NRCAM: variants seen among roughly 807,000 people sequenced by gnomAD.
The protein encoded by NRCAM is neuronal cell adhesion molecule.
Under a neutral mutation model 156.5 loss-of-function variants are expected in NRCAM, and 83 were observed. The observed-to-expected ratio is 0.53, with a 90% CI of 0.44 to 0.64. The LOEUF (loss-of-function observed/expected upper bound fraction) is 0.64. NRCAM is among the 30% of genes least tolerant of loss of function. The pLI is 0.00. For synonymous variants in NRCAM, 538 were observed against 563.9 expected (o/e 0.95, Z 0.65); for missense variants, 1,417 against 1,597.3 (o/e 0.89, Z 1.92).
rs570230705 is a variant in NRCAM, at chr7:108,250,748, A to G, written c.-106-10578T>C. ...TTAACTGTACATCTTAAAATAACTA[A>G]AAGAGTATAATTGGATTGTCTGTAA... On this transcript the variant is annotated intron_variant, in intron 3 of 32. Coordinates refer to ENST00000379028, the MANE Select transcript of NRCAM (RefSeq NM_001037132.4). Among the ~76,000 whole-genome samples, 276 of 152,288 alleles carry G rather than the reference A, an allele frequency of 1.8e-3. 1 individual carries two copies. Among genetic ancestry groups the G allele is most frequent in the African/African-American group, 6.4e-3 (265 of 41,562 alleles).
chr7:108,438,031 T>TA (rs572478339), intron 1 of NRCAM, among the ~76,000 whole-genome samples: 1,409 of 138,650 alleles, frequency 0.01, 7 homozygotes, highest in Middle Eastern at 0.024. Context: ...CTATAAGAAG[T>TA]AAAAAAAAAA....
intron 8 of NRCAM, among the ~76,000 whole-genome samples, chr7:108,228,777 C>T (rs1007679414): frequency 2.0e-5 from 3 of 152,030 alleles, no homozygotes; most frequent in Admixed American, 6.6e-5. Context: ...CAGTGGTATT[C>T]GGAGAGCATT....
Position 108,150,213 on chromosome 7 carries a change from C to G in NRCAM, c.3678-66G>C, listed in dbSNP as rs1024810182. ...AGGTAACATTTTCTGTTTTTAAAGACCATGCATGCAAATTATGAGAAAGCA... is the reference window on the plus strand; with the variant it reads ...AGGTAACATTTTCTGTTTTTAAAGAGCATGCATGCAAATTATGAGAAAGCA... On this transcript the variant is annotated intron_variant, in intron 32 of 32. Coordinates refer to ENST00000379028, the MANE Select transcript of NRCAM (RefSeq NM_001037132.4). 7 of 1,310,408 alleles carry G rather than the reference C, an allele frequency of 5.3e-6. No homozygotes were observed. The African/African-American group carries it at 1.0e-4, about 19-fold the overall frequency. The allele number at this position is 1,310,408 out of a possible 1,614,324, so 81.2% of individuals were successfully genotyped here.
chr7:108,404,460 T>G (rs535167596), intron 1 of NRCAM, among the ~76,000 whole-genome samples: 96 of 152,328 alleles, frequency 6.3e-4, no homozygotes, highest in Non-Finnish European at 1.2e-3. Context: ...AAACGTCGTT[T>G]TTCTAGCATT....
intron 3 of NRCAM, among the ~76,000 whole-genome samples, chr7:108,287,930 C>A (rs1043843064): frequency 2.6e-5 from 4 of 152,060 alleles, no homozygotes; most frequent in African/African-American, 9.7e-5. Flanking sequence ...ATATTTATCA[C>A]AGCACTATTC....
chr7:108,372,047 G>GC (rs2099631953), intron 2 of NRCAM, among the ~76,000 whole-genome samples: 1 of 152,036 alleles, frequency 6.6e-6, no homozygotes, highest in Non-Finnish European at 1.5e-5. Flanking sequence ...AGAACAGCAA[G>GC]CCCAGAAATA....
At chr7:108,385,433 C>T (rs1159908035) in intron 2 of NRCAM, among the ~76,000 whole-genome samples, 2 of 152,152 alleles carry the variant, frequency 1.3e-5, no homozygotes, top group African/African-American at 4.8e-5. Context: ...TCAAGGAAGG[C>T]TTTGTGGAAG....
At position 108,353,674 on chromosome 7, in the gene NRCAM, C is replaced by G. The variant is rs146863079; in HGVS notation, c.-173-40943G>C. On this transcript the variant is annotated intron_variant, in intron 2 of 32. Transcript: ENST00000379028. Reference sequence around the variant, plus strand: ...CTGTTCCTTGCTACTAGAATAAAGTCTTCATGAAAAGAAAGACCTCTTCTT... The same window carrying G: ...CTGTTCCTTGCTACTAGAATAAAGTGTTCATGAAAAGAAAGACCTCTTCTT... Among the ~76,000 whole-genome samples the G allele has an allele frequency of 1.9e-3, 293 of 152,310 alleles. 1 individual carries two copies. Among genetic ancestry groups the G allele is most frequent in the African/African-American group, 6.8e-3 (281 of 41,574 alleles).
intron 2 of NRCAM, among the ~76,000 whole-genome samples, chr7:108,326,364 A>G (rs991832175): frequency 3.9e-5 from 6 of 152,328 alleles, no homozygotes; most frequent in African/African-American, 1.4e-4. Flanking sequence ...GTATTCTTAC[A>G]ATCTTATTTA....
chr7:108,210,081 T>C (rs2083251550), intron 11 of NRCAM, among the ~76,000 whole-genome samples: 1 of 152,144 alleles, frequency 6.6e-6, no homozygotes, highest in African/African-American at 2.4e-5. Flanking sequence ...TCAAATGGAA[T>C]AATTTTCCTA....
At chr7:108,388,656 T>C (rs200825828) in intron 2 of NRCAM, among the ~76,000 whole-genome samples, 10 of 152,214 alleles carry the variant, frequency 6.6e-5, no homozygotes, top group Non-Finnish European at 1.5e-4. Context: ...CTGAATGGTA[T>C]TGCCTAGGTT....
intron 3 of NRCAM, among the ~76,000 whole-genome samples, chr7:108,279,433 A>G (rs1260535518): frequency 6.6e-6 from 1 of 152,184 alleles, no homozygotes; most frequent in Non-Finnish European, 1.5e-5. Context: ...AGAAAAATAT[A>G]TATTTTCTAT....
chr7:108,391,360 T>C (rs1001008267), intron 2 of NRCAM, among the ~76,000 whole-genome samples: 2 of 152,138 alleles, frequency 1.3e-5, no homozygotes, highest in African/African-American at 4.8e-5. Context: ...TCTGTGTTGG[T>C]TTAAAGTCTG....
Position 108,198,005 on chromosome 7 carries a change from G to A in NRCAM, c.1302C>T (p.Ala434=), listed in dbSNP as rs757457729. The A allele has an allele frequency of 2.5e-6, 4 of 1,585,622 alleles. No homozygotes were observed. ...ERSSAVYQCN[A]SNEYGYLLAN... Reference sequence around the variant, plus strand: ...CCAGTAAATATCCATATTCATTAGAGGCATTGCACTGATAGACTGCACTTG... The same window carrying A: ...CCAGTAAATATCCATATTCATTAGAAGCATTGCACTGATAGACTGCACTTG... The change falls in exon 14 of 33, where the codon GCC becomes GCT. Residue 434 remains alanine (A), a synonymous_variant. Coordinates refer to ENST00000379028, the MANE Select transcript of NRCAM (RefSeq NM_001037132.4).
At chr7:108,312,915 G>C (rs2098822827) in intron 2 of NRCAM, among the ~76,000 whole-genome samples, 184 bp from the exon 3 acceptor site, 2 of 152,158 alleles carry the variant, frequency 1.3e-5, no homozygotes, top group Admixed American at 1.3e-4. Flanking sequence ...TCAATCAAAA[G>C]TGACAGCAGA....
intron 2 of NRCAM, among the ~76,000 whole-genome samples, chr7:108,354,765 G>A (rs1391427941): frequency 6.6e-6 from 1 of 151,972 alleles, no homozygotes; most frequent in African/African-American, 2.4e-5. Context: ...GTGGTGGTGG[G>A]TGCCTATAAT....
At chr7:108,449,369 C>T (rs938533249) in intron 1 of NRCAM, among the ~76,000 whole-genome samples, 1 of 152,208 alleles carries the variant, frequency 6.6e-6, no homozygotes, top group South Asian at 2.1e-4. Flanking sequence ...CAGCTCCCCC[C>T]TCCCTTCACT....
In NRCAM at chr7:108,240,186, G is replaced by A; in HGVS notation, c.-106-16C>T. 1.6e-6 allele frequency: 1 copy of A among 625,136 alleles called. No individual in the cohort carries two copies. 38.7% of individuals were successfully genotyped at this position (625,136 alleles called of 1,614,324 possible). A position where few individuals can be genotyped will look rare whatever the true frequency, so the allele number is the denominator to read the frequency against. ...ATGCGGGAAACTGAAAAAGGATAGA[G>A]TAGGAATAATAATTATAATGTATTA... On this transcript the variant is annotated splice_polypyrimidine_tract_variant and intron_variant, in intron 3 of 32. Transcript: ENST00000379028.
At chr7:108,449,796 T>C (rs1848293073) in intron 1 of NRCAM, among the ~76,000 whole-genome samples, 1 of 152,202 alleles carries the variant, frequency 6.6e-6, no homozygotes, top group South Asian at 2.1e-4. Flanking sequence ...ATACTCATAC[T>C]GAATTTTTTG....
Sources: allele counts gnomAD v4.1 joint callset (sites outside exome capture counted in the v4.1 genomes callset), GRCh38; gene constraint gnomAD v4.1.1; transcripts MANE v1.5; gene names NCBI Gene and HGNC (gene_info 2026-07-23, HGNC 2026-07-21).